CSMD1: variants seen among roughly 807,000 people sequenced by gnomAD.
The protein encoded by CSMD1 is CUB and sushi domain-containing protein 1.
In CSMD1, 213 loss-of-function variants were observed where a neutral mutation model predicts 417.5. The observed-to-expected ratio is 0.51, with a 90% confidence interval of 0.46 to 0.57. CSMD1 has a LOEUF of 0.57. Among genes scored for constraint, CSMD1 ranks in the 20% least tolerant of loss-of-function variants. The pLI is 0.00. For synonymous variants in CSMD1, 2,862 were observed against 1,736.8 expected (o/e 1.65, Z -16.11); for missense variants, 6,923 against 4,529.7 (o/e 1.53, Z -15.17).
At chr8:2,959,313 C>T (rs918068159) in intron 62 of CSMD1, among the ~76,000 whole-genome samples, 2 of 152,116 alleles carry the variant, frequency 1.3e-5, no homozygotes, top group African/African-American at 4.8e-5. Context: ...CTATGTTGCC[C>T]AGGCTGTTCT....
intron 1 of CSMD1, among the ~76,000 whole-genome samples, chr8:4,761,962 T>TCTATCTATCTAC (rs539209473): frequency 3.3e-5 from 5 of 150,032 alleles, no homozygotes; most frequent in African/African-American, 1.2e-4. Context: ...TATCTATCTA[T>TCTATCTATCTAC]CTAGATTCCC....
chr8:4,553,950 A>C (rs1317742370), intron 2 of CSMD1, among the ~76,000 whole-genome samples: 3 of 152,144 alleles, frequency 2.0e-5, no homozygotes, highest in Non-Finnish European at 4.4e-5. Flanking sequence ...GAAGGAGTCC[A>C]TTTAGCCTGT....
chr8:4,215,782 G>T lies in CSMD1; in HGVS notation c.416-183683C>A, dbSNP rs976814705. Among the ~76,000 whole-genome samples, 6 of 152,038 alleles carry T rather than the reference G, an allele frequency of 3.9e-5. No individual in the cohort carries two copies. The East Asian group carries it at 1.2e-3, about 29-fold the overall frequency. ...TCTTTAAAACATTGTTTTCTTGGTGGAATATCTATTCTCTCCTTTTCTGGC... is the reference window on the plus strand; with the variant it reads ...TCTTTAAAACATTGTTTTCTTGGTGTAATATCTATTCTCTCCTTTTCTGGC... On this transcript the variant is annotated intron_variant, in intron 3 of 69. Transcript: ENST00000635120.
chr8:4,366,630 TGA>T (rs1367160369), intron 3 of CSMD1, among the ~76,000 whole-genome samples: 1 of 152,200 alleles, frequency 6.6e-6, no homozygotes, highest in Non-Finnish European at 1.5e-5. Flanking sequence ...TTTTGACTCA[TGA>T]GAGATGGTAT....
intron 5 of CSMD1, among the ~76,000 whole-genome samples, chr8:3,806,720 T>A (rs1183812131): frequency 6.6e-6 from 1 of 152,188 alleles, no homozygotes; most frequent in African/African-American, 2.4e-5. Context: ...ATATTTCCAT[T>A]TTAGGTATGG....
At chr8:3,631,463 A>G (rs1320875726) in intron 7 of CSMD1, among the ~76,000 whole-genome samples, 2 of 152,234 alleles carry the variant, frequency 1.3e-5, no homozygotes, top group Non-Finnish European at 2.9e-5. Context: ...ATAGGCAGAT[A>G]AAACAACACA....
intron 8 of CSMD1, chr8:3,598,334 T>C (rs529959937): frequency 1.3e-5 from 2 of 152,336 alleles, no homozygotes; most frequent in Admixed American, 1.3e-4. Flanking sequence ...ATGCATTTGA[T>C]GGCTGGTATG....
chr8:3,080,811 G>A (rs769922632), intron 49 of CSMD1, among the ~76,000 whole-genome samples: 5 of 152,176 alleles, frequency 3.3e-5, no homozygotes, highest in Non-Finnish European at 7.3e-5. Context: ...GTAGGCTTAG[G>A]GAGATCAGGG....
chr8:2,982,579 G>A (rs1805516782), intron 54 of CSMD1, among the ~76,000 whole-genome samples: 1 of 152,138 alleles, frequency 6.6e-6, no homozygotes, highest in Admixed American at 6.5e-5. Context: ...CTCTAAGAGG[G>A]ATCACTGTTC....
intron 3 of CSMD1, among the ~76,000 whole-genome samples, chr8:4,387,344 C>T (rs1803519316): frequency 6.6e-6 from 1 of 151,690 alleles, no homozygotes; most frequent in Admixed American, 6.6e-5. Context: ...GACAAATGAG[C>T]CTACACTCAG....
intron 3 of CSMD1, among the ~76,000 whole-genome samples, chr8:4,413,575 T>C (rs1412385057): frequency 6.6e-6 from 1 of 152,164 alleles, no homozygotes; most frequent in Admixed American, 6.5e-5. Flanking sequence ...TATTTTATCA[T>C]AGCAAGAACG....
chr8:3,267,756 C>T (rs1390042253), intron 26 of CSMD1, among the ~76,000 whole-genome samples: 1 of 152,160 alleles, frequency 6.6e-6, no homozygotes, highest in Non-Finnish European at 1.5e-5. Context: ...TACATGCCTC[C>T]CACAGCAGCT....
At chr8:2,957,113 A>AT (rs1197051770) in intron 63 of CSMD1, among the ~76,000 whole-genome samples, 2 of 152,076 alleles carry the variant, frequency 1.3e-5, no homozygotes, top group African/African-American at 4.8e-5. Flanking sequence ...TCATCCATAT[A>AT]TTTTTTCTAA....
At chr8:3,337,589 G>A (rs1807352200) in intron 23 of CSMD1, among the ~76,000 whole-genome samples, 1 of 152,178 alleles carries the variant, frequency 6.6e-6, no homozygotes, top group Non-Finnish European at 1.5e-5. Context: ...TAATGCTGAT[G>A]TACAGGGAAT....
Position 4,231,562 on chromosome 8 carries a change from T to C in CSMD1, c.415+188391A>G, listed in dbSNP as rs571797526. On this transcript the variant is annotated intron_variant, in intron 3 of 69. Coordinates refer to ENST00000635120, the MANE Select transcript of CSMD1 (RefSeq NM_033225.6). Reference sequence around the variant, plus strand: ...GTTAAAGGCTAAGCAATGACAACAGTTTGCATGTAACTATTATTGTTATAA... The same window carrying C: ...GTTAAAGGCTAAGCAATGACAACAGCTTGCATGTAACTATTATTGTTATAA... Among the ~76,000 whole-genome samples, 10 of 152,284 alleles carry C rather than the reference T, an allele frequency of 6.6e-5. No homozygotes were observed. The South Asian group carries it at 2.1e-3, about 32-fold the overall frequency.
Position 4,235,571 on chromosome 8 carries a change from A to G in CSMD1, c.415+184382T>C, listed in dbSNP as rs115676020. Reference sequence around the variant, plus strand: ...TCCGAATATTTTCTTGTGCTTTTATAAAGAATTCCATCTAGTCTTTTCTCT... The same window carrying G: ...TCCGAATATTTTCTTGTGCTTTTATGAAGAATTCCATCTAGTCTTTTCTCT... On this transcript the variant is annotated intron_variant, in intron 3 of 69. Transcript: ENST00000635120. Among the ~76,000 whole-genome samples the G allele has an allele frequency of 3.0e-3, 457 of 152,296 alleles. 1 individual carries two copies. The highest frequency in any genetic ancestry group is 0.011 in the African/African-American group (440 of 41,570).
At chr8:4,691,666 G>C (rs987409130) in intron 1 of CSMD1, among the ~76,000 whole-genome samples, 1 of 152,140 alleles carries the variant, frequency 6.6e-6, no homozygotes, top group African/African-American at 2.4e-5. Flanking sequence ...GGAGTGAAAG[G>C]AACATCTACC....
At chr8:4,453,915 A>G (rs867441196) in intron 2 of CSMD1, among the ~76,000 whole-genome samples, 196 of 128,374 alleles carry the variant, frequency 1.5e-3, no homozygotes, top group African/African-American at 4.9e-3. Context: ...TCCGCCTCCC[A>G]GGTTCACAGC....
rs568146097 is a variant in CSMD1, at chr8:4,743,710, A to G, written c.86-106152T>C. Among the ~76,000 whole-genome samples the G allele has an allele frequency of 9.8e-5, 15 of 152,326 alleles. No individual in the cohort carries two copies. In the South Asian group the frequency reaches 3.1e-3, roughly 32 times the overall value. ...TTTCTTCTGCTCTAACCACTTCTGG[A>G]TGTATAAAGGAGATTTTCTCTGAAC... On this transcript the variant is annotated intron_variant, in intron 1 of 69. Transcript: ENST00000635120.
Sources: gnomAD v4.1 joint callset for allele counts (sites outside exome capture counted in the v4.1 genomes callset) on GRCh38, gnomAD v4.1.1 for gene constraint, MANE v1.5 for transcripts, NCBI Gene and HGNC (gene_info 2026-07-23, HGNC 2026-07-21) for gene names.